The following SYK variants were observed in gnomAD, a reference collection of about 807,000 sequenced individuals.
SYK encodes the protein tyrosine-protein kinase SYK.
A neutral mutation model predicts 77.8 loss-of-function variants in SYK; 16 were observed. The ratio of observed to expected loss-of-function variants is 0.21; its 90% CI spans 0.14 to 0.31. The LOEUF (loss-of-function observed/expected upper bound fraction) is 0.31, where lower values mean the gene tolerates loss of function less well. Among genes scored for constraint, SYK ranks in the 10% least tolerant of loss-of-function variants. SYK has a pLI of 1.00. For synonymous variants in SYK, 312 were observed against 308.7 expected (o/e 1.01, Z -0.11); for missense variants, 529 against 814.4 (o/e 0.65, Z 4.26).
rs538035890 is a variant in SYK at position 90,813,418 on chromosome 9, G to C, written c.-42+11525G>C. ...TTTTAATAAAATCTCTAGAATTGTG[G>C]CTTAGACCTGTAAACATCCAGTTCC... On this transcript the variant is annotated intron_variant, in intron 1 of 13. Transcript: ENST00000375754. 1.5e-4 allele frequency among the ~76,000 whole-genome samples: 23 copies of C among 150,902 alleles called. No homozygotes were observed. The East Asian group carries it at 2.0e-3, about 13-fold the overall frequency.
intron 11 of SYK, among the ~76,000 whole-genome samples, chr9:90,879,849 A>T (rs1003415381): frequency 6.6e-6 from 1 of 152,226 alleles, no homozygotes; most frequent in Non-Finnish European, 1.5e-5. Context: ...ACAGTGACCA[A>T]TCCCCTTGCT....
At chr9:90,883,305 G>A (rs1828228966) in intron 11 of SYK, among the ~76,000 whole-genome samples, 1 of 151,958 alleles carries the variant, frequency 6.6e-6, no homozygotes, top group Non-Finnish European at 1.5e-5. Context: ...CCAGGAGCAG[G>A]CCCATAGCCA....
intron 2 of SYK, 142 bp from the exon 3 acceptor site, chr9:90,845,292 G>T: frequency 1.2e-6 from 1 of 849,858 alleles, no homozygotes; most frequent in Non-Finnish European, 1.8e-6. Flanking sequence ...AGGTCTTTCT[G>T]GTTTTATTTA....
chr9:90,864,312 C>A (rs562579604), intron 4 of SYK, among the ~76,000 whole-genome samples: 62 of 152,268 alleles, frequency 4.1e-4, no homozygotes, highest in South Asian at 2.3e-3. Context: ...AATAAATAAA[C>A]AAAGGACACA....
intron 7 of SYK, among the ~76,000 whole-genome samples, chr9:90,872,543 G>C (rs919908729): frequency 1.3e-5 from 2 of 152,230 alleles, no homozygotes; most frequent in African/African-American, 4.8e-5. Context: ...TTTCTGTCAG[G>C]ACAGTTTTCC....
intron 1 of SYK, among the ~76,000 whole-genome samples, chr9:90,806,030 G>C (rs1334652634): frequency 6.6e-6 from 1 of 152,126 alleles, no homozygotes; most frequent in African/African-American, 2.4e-5. Flanking sequence ...AAGTTATTTG[G>C]TTTATTTTAT....
intron 7 of SYK, among the ~76,000 whole-genome samples, chr9:90,871,081 C>A (rs1564109832): frequency 6.6e-6 from 1 of 152,206 alleles, no homozygotes; most frequent in Non-Finnish European, 1.5e-5. Context: ...GCAGTTAAAC[C>A]TTACCAATAG....
intron 11 of SYK, among the ~76,000 whole-genome samples, chr9:90,885,772 A>G (rs949428414): frequency 6.6e-6 from 1 of 152,188 alleles, no homozygotes; most frequent in Non-Finnish European, 1.5e-5. Flanking sequence ...CAAATATACT[A>G]AAAAGAGCAA....
chr9:90,849,044 G>C (rs1246513762), intron 3 of SYK, among the ~76,000 whole-genome samples: 1 of 152,198 alleles, frequency 6.6e-6, no homozygotes, highest in African/African-American at 2.4e-5. Context: ...GGCAGAGAGT[G>C]AGTGGAGAAG....
chr9:90,896,349 A>T lies in SYK; in HGVS notation c.*749A>T, dbSNP rs1056267099. On this transcript the variant is annotated 3_prime_UTR_variant, in exon 14 of 14. Coordinates refer to ENST00000375754, the MANE Select transcript of SYK (RefSeq NM_003177.7). ...TCCTCTCTCCTGCAGACTGTCTTGA[A>T]GACCTGGTGACTGGTAAATAAAGCC... is the stretch of plus-strand genomic sequence containing the variant. 4 of 233,156 alleles carry T rather than the reference A, an allele frequency of 1.7e-5. No individual in the cohort carries two copies. The highest frequency in any genetic ancestry group is 8.8e-5 in the African/African-American group (4 of 45,360). 14.4% of individuals were successfully genotyped at this position (233,156 alleles called of 1,614,324 possible).
chr9:90,806,877 A>T (rs1824860338), intron 1 of SYK, among the ~76,000 whole-genome samples: 1 of 149,474 alleles, frequency 6.7e-6, no homozygotes, highest in Non-Finnish European at 1.5e-5. Context: ...ACATTTTATT[A>T]TCTGAGTGAT....
chr9:90,833,508 AG>A, intron 1 of SYK, among the ~76,000 whole-genome samples: 1 of 152,248 alleles, frequency 6.6e-6, no homozygotes, highest in Middle Eastern at 3.4e-3. Flanking sequence ...GTTCCTCTGT[AG>A]GGGATGAAAT....
chr9:90,810,101 T>G (rs1179891509), intron 1 of SYK, among the ~76,000 whole-genome samples: 1 of 152,170 alleles, frequency 6.6e-6, no homozygotes, highest in Non-Finnish European at 1.5e-5. Flanking sequence ...TGTCAGTGTC[T>G]GTTATGGAGG....
chr9:90,838,769 A>G (rs940895417), intron 1 of SYK, among the ~76,000 whole-genome samples: 2 of 152,242 alleles, frequency 1.3e-5, no homozygotes, highest in Non-Finnish European at 2.9e-5. Flanking sequence ...TCTAAACACT[A>G]TTTGGAAGAA....
intron 3 of SYK, among the ~76,000 whole-genome samples, chr9:90,853,744 A>T (rs966730125): frequency 1.1e-4 from 17 of 152,070 alleles, no homozygotes; most frequent in Non-Finnish European, 1.5e-4. Context: ...GCGGGGAGGG[A>T]TAGCTTTAGG....
At chr9:90,848,538 G>A (rs1826686001) in intron 3 of SYK, among the ~76,000 whole-genome samples, 1 of 152,232 alleles carries the variant, frequency 6.6e-6, no homozygotes, top group Non-Finnish European at 1.5e-5. Flanking sequence ...CTAGATTCCA[G>A]TCACTGCTGG....
At chr9:90,884,965 GTA>G (rs57971781) in intron 11 of SYK, among the ~76,000 whole-genome samples, 37 of 80,586 alleles carry the variant, frequency 4.6e-4, no homozygotes, top group Non-Finnish European at 3.7e-4. Flanking sequence ...ACATATATGT[GTA>G]TATATATATA....
At chr9:90,887,611 C>T (rs980421798) in intron 11 of SYK, 138 bp from the exon 12 acceptor site, 1 of 941,338 alleles carries the variant, frequency 1.1e-6, no homozygotes, top group Non-Finnish European at 1.5e-6. Flanking sequence ...TCCTCTTGGC[C>T]AGGCTGGTCT....
Position 90,881,679 on chromosome 9 carries a change from C to CAAAAAAAAAA in SYK, c.1581+2728_1581+2737dup, listed in dbSNP as rs10526591. ...TGGCCAACAGAGCAAGACTCTGTCT[C>CAAAAAAAAAA]AAAAAAAAAAAGGAATAAAAAGTGA... On this transcript the variant is annotated intron_variant, in intron 11 of 13. Transcript: ENST00000375754. 3.4e-4 allele frequency among the ~76,000 whole-genome samples: 30 copies of CAAAAAAAAAA among 89,424 alleles called. 3 individuals are homozygous for CAAAAAAAAAA. The highest frequency in any genetic ancestry group is 9.3e-4 in the African/African-American group (17 of 18,274). The allele number at this position is 89,424 out of a possible 152,430, so 58.7% of individuals were successfully genotyped here.
Sources: allele counts gnomAD v4.1 joint callset (sites outside exome capture counted in the v4.1 genomes callset), GRCh38; gene constraint gnomAD v4.1.1; transcripts MANE v1.5; gene names NCBI Gene and HGNC (gene_info 2026-07-23, HGNC 2026-07-21).